The following KCNN2 variants were observed in gnomAD, a reference collection of about 807,000 sequenced individuals.
KCNN2 encodes small conductance calcium-activated potassium channel protein 2.
In KCNN2, 24 loss-of-function variants were observed where a neutral mutation model predicts 55.5. The ratio of observed to expected loss-of-function variants is 0.43; its 90% CI spans 0.31 to 0.61. KCNN2 has a LOEUF of 0.61. KCNN2 is among the 20% of genes least tolerant of loss of function. The probability of loss-of-function intolerance (pLI) is 0.08; values close to 1 mark genes in which losing one functional copy is unlikely to be tolerated. For synonymous variants in KCNN2, 431 were observed against 336.1 expected (o/e 1.28, Z -3.09); for missense variants, 754 against 853.6 (o/e 0.88, Z 1.45).
intron 1 of KCNN2, among the ~76,000 whole-genome samples, chr5:114,086,486 A>G (rs1215604873): frequency 6.6e-6 from 1 of 151,542 alleles, no homozygotes; most frequent in Non-Finnish European, 1.5e-5. Flanking sequence ...TTTTATGTCC[A>G]TGAGTATCCA....
intron 1 of KCNN2, among the ~76,000 whole-genome samples, chr5:114,060,838 A>T (rs756105825): frequency 6.6e-6 from 1 of 152,240 alleles, no homozygotes; most frequent in African/African-American, 2.4e-5. Flanking sequence ...ATTATTTTCC[A>T]AGCCATTTAA....
intron 3 of KCNN2, among the ~76,000 whole-genome samples, chr5:114,445,967 G>T (rs111649750): frequency 6.1e-4 from 93 of 152,320 alleles, no homozygotes; most frequent in African/African-American, 2.1e-3. Flanking sequence ...TTAATAGGAA[G>T]AACAAGGGTG....
At chr5:114,068,259 A>C (rs1048259350) in intron 1 of KCNN2, among the ~76,000 whole-genome samples, 1 of 152,262 alleles carries the variant, frequency 6.6e-6, no homozygotes, top group African/African-American at 2.4e-5. Flanking sequence ...TTATTAAATA[A>C]ATTTCTGAAT....
chr5:114,126,738 C>G (rs1016510569), intron 1 of KCNN2, among the ~76,000 whole-genome samples: 4 of 152,122 alleles, frequency 2.6e-5, no homozygotes, highest in African/African-American at 7.2e-5. Context: ...GGAATTAACT[C>G]AAAAGTCCAC....
intron 2 of KCNN2, among the ~76,000 whole-genome samples, chr5:114,224,458 T>C (rs140406774): frequency 0.029 from 4,488 of 152,342 alleles, 225 homozygotes; most frequent in African/African-American, 0.1. Context: ...TTAAGATAGC[T>C]TAAATATATT....
intron 3 of KCNN2, among the ~76,000 whole-genome samples, chr5:114,434,408 A>G (rs1023158171): frequency 2.0e-5 from 3 of 152,130 alleles, no homozygotes; most frequent in Non-Finnish European, 4.4e-5. Context: ...TAGATCCCTT[A>G]ACATACTAAT....
intron 1 of KCNN2, among the ~76,000 whole-genome samples, chr5:114,127,450 C>G (rs560331629): frequency 1.3e-5 from 2 of 152,312 alleles, no homozygotes; most frequent in East Asian, 3.9e-4. Context: ...TCGAGCTGCA[C>G]CTTGGCGTCT....
chr5:114,408,477 T>TGTC (rs1759012495), intron 3 of KCNN2, among the ~76,000 whole-genome samples: 1 of 152,130 alleles, frequency 6.6e-6, no homozygotes, highest in African/African-American at 2.4e-5. Flanking sequence ...TAAGGAAAGG[T>TGTC]AGACTCCTTA....
At chr5:114,219,906 G>A (rs551694313) in intron 1 of KCNN2, among the ~76,000 whole-genome samples, 15 of 152,262 alleles carry the variant, frequency 9.9e-5, no homozygotes, top group Non-Finnish European at 1.8e-4. Flanking sequence ...TTAAGCATCA[G>A]CATACTTTTT....
At chr5:114,332,294 CACACT>C (rs1278723562) in intron 2 of KCNN2, among the ~76,000 whole-genome samples, 1 of 152,184 alleles carries the variant, frequency 6.6e-6, no homozygotes, top group Non-Finnish European at 1.5e-5. Flanking sequence ...TGCCAATCCC[CACACT>C]AGCAACAAGC....
chr5:114,087,046 G>GT (rs933396537), intron 1 of KCNN2, among the ~76,000 whole-genome samples: 2 of 151,858 alleles, frequency 1.3e-5, no homozygotes, highest in Non-Finnish European at 2.9e-5. Context: ...GATGAGGAGC[G>GT]TTTTTTCATT....
intron 3 of KCNN2, among the ~76,000 whole-genome samples, chr5:114,447,631 T>C (rs1760471266): frequency 6.6e-6 from 1 of 152,202 alleles, no homozygotes; most frequent in Admixed American, 6.5e-5. Context: ...CTCTCCAAGC[T>C]TCCCTTTGCA....
At chr5:114,245,885 C>T (rs1321052870) in intron 2 of KCNN2, among the ~76,000 whole-genome samples, 1 of 152,206 alleles carries the variant, frequency 6.6e-6, no homozygotes, top group Non-Finnish European at 1.5e-5. Context: ...TGTGCTGCCT[C>T]TACCTTATCA....
intron 2 of KCNN2, among the ~76,000 whole-genome samples, chr5:114,274,119 G>A (rs990263797): frequency 6.6e-6 from 1 of 152,082 alleles, no homozygotes; most frequent in Admixed American, 6.6e-5. Flanking sequence ...TTGCTTGTGT[G>A]TGTTAGGTTT....
At chr5:114,317,610 G>GCTTT (rs1756525322) in intron 2 of KCNN2, among the ~76,000 whole-genome samples, 2 of 152,068 alleles carry the variant, frequency 1.3e-5, no homozygotes, top group African/African-American at 4.8e-5. Flanking sequence ...TTTGGCTGTA[G>GCTTT]CTTTCTCATG....
At chr5:114,120,856 A>G (rs1377108081) in intron 1 of KCNN2, among the ~76,000 whole-genome samples, 1 of 152,222 alleles carries the variant, frequency 6.6e-6, no homozygotes, top group Non-Finnish European at 1.5e-5. Flanking sequence ...ACTAGGAGAT[A>G]TATTTTATAA....
intron 2 of KCNN2, among the ~76,000 whole-genome samples, chr5:114,287,206 T>C (rs1270384399): frequency 2.6e-5 from 4 of 152,136 alleles, no homozygotes; most frequent in African/African-American, 9.7e-5. Flanking sequence ...TCCTCAAGGA[T>C]CTAGAAACAG....
intron 3 of KCNN2, among the ~76,000 whole-genome samples, chr5:114,427,691 A>G (rs1759671497): frequency 2.0e-5 from 3 of 152,198 alleles, no homozygotes. Context: ...CAGATAAAGG[A>G]AATCTCTTTC....
intron 2 of KCNN2, among the ~76,000 whole-genome samples, chr5:114,391,266 C>T (rs577242740): frequency 6.6e-6 from 1 of 152,272 alleles, no homozygotes; most frequent in South Asian, 2.1e-4. Context: ...AATTCATCTA[C>T]TTGTCCCTCT....
Sources: gnomAD v4.1 joint callset for allele counts (sites outside exome capture counted in the v4.1 genomes callset) on GRCh38, gnomAD v4.1.1 for gene constraint, MANE v1.5 for transcripts, NCBI Gene and HGNC (gene_info 2026-07-23, HGNC 2026-07-21) for gene names.